The following CNTNAP5 variants were observed in gnomAD, a reference collection of about 807,000 sequenced individuals.
The protein encoded by CNTNAP5 is contactin associated protein family member 5, also known as contactin-associated protein-like 5.
In CNTNAP5, 72 loss-of-function variants were observed where a neutral mutation model predicts 150.2. That is an observed-to-expected ratio of 0.48 (90% CI 0.40 to 0.58). The LOEUF is 0.58. Among genes scored for constraint, CNTNAP5 ranks in the 20% least tolerant of loss-of-function variants. The probability of loss-of-function intolerance (pLI) is 0.00; values close to 1 mark genes in which losing one functional copy is unlikely to be tolerated. For missense variants in CNTNAP5, 1,636 were observed against 1,626.2 expected (o/e 1.01, Z -0.10); for synonymous variants, 672 against 619.8 (o/e 1.08, Z -1.25).
chr2:124,330,784 C>T (rs534254274), intron 3 of CNTNAP5, among the ~76,000 whole-genome samples: 3 of 151,546 alleles, frequency 2.0e-5, no homozygotes, highest in East Asian at 1.9e-4. Context: ...AAAAAAAATG[C>T]TTCAATTATG....
intron 11 of CNTNAP5, among the ~76,000 whole-genome samples, chr2:124,580,468 C>A (rs542225702): frequency 6.6e-6 from 1 of 152,348 alleles, no homozygotes; most frequent in East Asian, 1.9e-4. Flanking sequence ...CACTTTCTGT[C>A]CACATATTTT....
intron 5 of CNTNAP5, among the ~76,000 whole-genome samples, chr2:124,434,963 A>T (rs981646039): frequency 6.6e-6 from 1 of 152,208 alleles, no homozygotes; most frequent in African/African-American, 2.4e-5. Context: ...CTCTAAAAAA[A>T]CTTTCACAAG....
At position 124,772,762 on chromosome 2, in the gene CNTNAP5, C is replaced by T. The variant is rs1681231532; in HGVS notation, c.2534-37C>T. On this transcript the variant is annotated intron_variant, in intron 16 of 23. Transcript: ENST00000682447. Reference sequence around the variant, plus strand: ...GCCTGTGCCTTGAATGAGCTAACAACTCCCTCTATCCTTCCTGTTTTCCTT... The same window carrying T: ...GCCTGTGCCTTGAATGAGCTAACAATTCCCTCTATCCTTCCTGTTTTCCTT... 5.2e-6 allele frequency: 8 copies of T among 1,532,734 alleles called. No individual in the cohort carries two copies. The South Asian group carries it at 7.8e-5, about 15-fold the overall frequency. The allele number at this position is 1,532,734 out of a possible 1,614,324, so 94.9% of individuals were successfully genotyped here.
At chr2:124,517,856 G>A (rs1694763256) in intron 8 of CNTNAP5, among the ~76,000 whole-genome samples, 1 of 151,058 alleles carries the variant, frequency 6.6e-6, no homozygotes, top group Non-Finnish European at 1.5e-5. Context: ...TCCTAATGGT[G>A]TTGATGATGG....
At chr2:124,030,657 G>T (rs1274886714) in intron 1 of CNTNAP5, among the ~76,000 whole-genome samples, 2 of 146,130 alleles carry the variant, frequency 1.4e-5, no homozygotes, top group Non-Finnish European at 3.0e-5. Flanking sequence ...ACATCTAAAA[G>T]AAAAAAAAAA....
At chr2:124,324,610 AG>A (rs1053261560) in intron 3 of CNTNAP5, among the ~76,000 whole-genome samples, 2 of 152,178 alleles carry the variant, frequency 1.3e-5, no homozygotes, top group African/African-American at 4.8e-5. Context: ...GGAAGTTCAA[AG>A]GTGAATGGGT....
rs547908648 is a variant in CNTNAP5 at position 124,592,714 on chromosome 2, C to T, written c.1757-17087C>T. Among the ~76,000 whole-genome samples the T allele has an allele frequency of 1.2e-4, 19 of 152,042 alleles. No individual in the cohort carries two copies. In the South Asian group the frequency reaches 2.5e-3, roughly 20 times the overall value. ...TTAGCACTTATTTTTCTATAAGTAA[C>T]GTCAGACATCTTTTATGTGTTTTAG... On this transcript the variant is annotated intron_variant, in intron 11 of 23. Transcript: ENST00000682447.
intron 10 of CNTNAP5, among the ~76,000 whole-genome samples, chr2:124,535,052 A>G (rs1032611741): frequency 1.3e-5 from 2 of 152,236 alleles, no homozygotes; most frequent in Non-Finnish European, 2.9e-5. Context: ...TAAGCAATCT[A>G]TGCATATAGC....
chr2:124,523,210 T>G (rs907899189), intron 8 of CNTNAP5, among the ~76,000 whole-genome samples: 7 of 152,222 alleles, frequency 4.6e-5, no homozygotes, highest in Non-Finnish European at 2.9e-5. Flanking sequence ...CATACACTGC[T>G]GGACTAACTG....
intron 11 of CNTNAP5, among the ~76,000 whole-genome samples, chr2:124,607,324 A>G (rs1220068043): frequency 6.6e-6 from 1 of 152,168 alleles, no homozygotes; most frequent in Non-Finnish European, 1.5e-5. Flanking sequence ...TTCTCAGGGC[A>G]TGCTACCAAA....
chr2:124,384,727 C>G (rs1027021024), intron 3 of CNTNAP5, among the ~76,000 whole-genome samples: 1 of 152,164 alleles, frequency 6.6e-6, no homozygotes, highest in South Asian at 2.1e-4. Context: ...AGTAGGCAAA[C>G]GTGAAATAAA....
chr2:124,390,412 A>G (rs955870629), intron 3 of CNTNAP5, among the ~76,000 whole-genome samples: 72 of 152,224 alleles, frequency 4.7e-4, no homozygotes, highest in African/African-American at 1.6e-3. Context: ...CTAAAAAGCC[A>G]TGACAGCCCA....
chr2:124,201,118 A>C (rs1191915534), intron 1 of CNTNAP5, among the ~76,000 whole-genome samples: 1 of 152,174 alleles, frequency 6.6e-6, no homozygotes, highest in East Asian at 1.9e-4. Context: ...ATTACTCCTC[A>C]TTTCTACAAT....
chr2:124,551,171 AC>A (rs956693009), intron 10 of CNTNAP5, among the ~76,000 whole-genome samples: 1 of 151,930 alleles, frequency 6.6e-6, no homozygotes, highest in Non-Finnish European at 1.5e-5. Context: ...GGGATCACTG[AC>A]GTGCATTGCA....
intron 10 of CNTNAP5, among the ~76,000 whole-genome samples, chr2:124,561,050 T>A (rs1463052910): frequency 6.6e-6 from 1 of 151,986 alleles, no homozygotes; most frequent in Non-Finnish European, 1.5e-5. Context: ...CTTGTTTTGT[T>A]GGGGGAGGGC....
At chr2:124,156,982 G>A (rs906194932) in intron 1 of CNTNAP5, among the ~76,000 whole-genome samples, 4 of 152,202 alleles carry the variant, frequency 2.6e-5, no homozygotes, top group Non-Finnish European at 5.9e-5. Flanking sequence ...GATAGTTATG[G>A]AAAGCAGATG....
intron 3 of CNTNAP5, among the ~76,000 whole-genome samples, chr2:124,374,431 G>A (rs979126597): frequency 3.3e-5 from 5 of 152,036 alleles, no homozygotes; most frequent in African/African-American, 1.2e-4. Flanking sequence ...ACATTTCCTG[G>A]TCCTGCTCTC....
chr2:124,611,663 C>T (rs1039148166), intron 12 of CNTNAP5, among the ~76,000 whole-genome samples: 4 of 152,186 alleles, frequency 2.6e-5, no homozygotes, highest in Non-Finnish European at 4.4e-5. Context: ...TCAGTAAATG[C>T]ACTTTTACTG....
chr2:124,278,416 AT>A (rs1358324772), intron 3 of CNTNAP5, among the ~76,000 whole-genome samples: 1 of 152,182 alleles, frequency 6.6e-6, no homozygotes, highest in African/African-American at 2.4e-5. Flanking sequence ...CTAATTATTC[AT>A]TACGCTCAGC....
Sources: gnomAD v4.1 joint callset for allele counts (sites outside exome capture counted in the v4.1 genomes callset) on GRCh38, gnomAD v4.1.1 for gene constraint, MANE v1.5 for transcripts, NCBI Gene and HGNC (gene_info 2026-07-23, HGNC 2026-07-21) for gene names.